CYB5R4: variants seen among roughly 807,000 people sequenced by gnomAD.
The protein encoded by CYB5R4 is N-terminal cytochrome b5 and cytochrome b5 oxidoreductase domain-containing protein.
Under a neutral mutation model 70.2 loss-of-function variants are expected in CYB5R4, and 55 were observed. That is an observed-to-expected ratio of 0.78 (90% CI 0.63 to 0.98). CYB5R4 has a LOEUF of 0.98. Among genes scored for constraint, CYB5R4 ranks in the 50% least tolerant of loss-of-function variants. The probability of loss-of-function intolerance (pLI) is 0.00; values close to 1 mark genes in which losing one functional copy is unlikely to be tolerated. For missense variants in CYB5R4, 562 were observed against 612.6 expected (o/e 0.92, Z 0.87); for synonymous variants, 197 against 199.5 (o/e 0.99, Z 0.11).
chr6:83,886,456 G>GA (rs1198672416), intron 2 of CYB5R4, among the ~76,000 whole-genome samples: 1 of 152,094 alleles, frequency 6.6e-6, no homozygotes, highest in Non-Finnish European at 1.5e-5. Flanking sequence ...TCCCTAAAAA[G>GA]AAAAAATACT....
intron 3 of CYB5R4, among the ~76,000 whole-genome samples, chr6:83,894,088 G>A (rs1448446923): frequency 1.3e-5 from 2 of 152,222 alleles, no homozygotes; most frequent in African/African-American, 4.8e-5. Context: ...TAGAAAGTTA[G>A]CCGATGGTGA....
At chr6:83,863,842 T>C (rs1474011876) in intron 1 of CYB5R4, among the ~76,000 whole-genome samples, 1 of 152,216 alleles carries the variant, frequency 6.6e-6, no homozygotes, top group Non-Finnish European at 1.5e-5. Flanking sequence ...AAAGTATATG[T>C]GAGAATGTTC....
At chr6:83,898,639 T>C (rs1025036111) in intron 3 of CYB5R4, among the ~76,000 whole-genome samples, 1 of 152,216 alleles carries the variant, frequency 6.6e-6, no homozygotes, top group Non-Finnish European at 1.5e-5. Context: ...TTTTATTGCG[T>C]TGAGCAGTGG....
At chr6:83,918,953 C>T (rs1292215133) in intron 6 of CYB5R4, among the ~76,000 whole-genome samples, 1 of 152,094 alleles carries the variant, frequency 6.6e-6, no homozygotes, top group Non-Finnish European at 1.5e-5. Context: ...CTTAGTTTCA[C>T]TTTAAGTTTC....
Position 83,940,547 on chromosome 6 carries a change from A to G in CYB5R4, c.1292A>G (p.Glu431Gly). 1 of 1,597,518 alleles carries G rather than the reference A, an allele frequency of 6.3e-7. No homozygotes were observed. The highest frequency in any genetic ancestry group is 8.5e-7 in the Non-Finnish European group (1 of 1,175,370). Reference protein sequence around the residue: ...KVKLMFFNKTEDDIIWRSQLE... With the variant: ...KVKLMFFNKTGDDIIWRSQLE... Reference sequence around the variant, plus strand: ...AAGCTGATGTTCTTCAATAAAACAGAAGATGATATAATTTGGAGAAGCCAA... The same window carrying G: ...AAGCTGATGTTCTTCAATAAAACAGGAGATGATATAATTTGGAGAAGCCAA... The change falls in exon 14 of 16, where the codon GAA becomes GGA. Residue 431 changes from glutamate to glycine, a missense_variant. Transcript: ENST00000369681.
chr6:83,925,136 T>C (rs1275392126), intron 10 of CYB5R4, among the ~76,000 whole-genome samples: 1 of 152,180 alleles, frequency 6.6e-6, no homozygotes, highest in Non-Finnish European at 1.5e-5. Context: ...TGGCATTTGC[T>C]TGGTTTCTGG....
chr6:83,893,532 T>C lies in CYB5R4; in HGVS notation c.240T>C (p.Tyr80=). Residue 80 remains tyrosine (Y), a synonymous_variant, in exon 3 of 16, where the codon TAT becomes TAC. Coordinates refer to ENST00000369681, the MANE Select transcript of CYB5R4 (RefSeq NM_016230.4). ...DCWICIRGFV[Y]NVSPYMEYHP... ...TTTGCTTTGGTACAGGTTTCGTTTA[T>C]AATGTCAGCCCTTATATGGAGTATC... 6.2e-7 allele frequency: 1 copy of C among 1,605,626 alleles called. No individual in the cohort carries two copies. The highest frequency in any genetic ancestry group is 8.5e-7 in the Non-Finnish European group (1 of 1,174,494).
chr6:83,924,007 T>G (rs1282109406), intron 9 of CYB5R4, among the ~76,000 whole-genome samples: 1 of 146,416 alleles, frequency 6.8e-6, no homozygotes, highest in African/African-American at 2.6e-5. Context: ...GAGGCGGAGC[T>G]TGCAGTGAGC....
At chr6:83,866,544 T>C (rs9353145) in intron 2 of CYB5R4, among the ~76,000 whole-genome samples, 23,352 of 152,020 alleles carry the variant, frequency 0.15, 3,513 homozygotes, top group African/African-American at 0.37. Context: ...CTGCTCCCGG[T>C]TCCATATCCT....
At chr6:83,957,450 A>G (rs905705208) in intron 15 of CYB5R4, among the ~76,000 whole-genome samples, 8 of 151,912 alleles carry the variant, frequency 5.3e-5, no homozygotes, top group African/African-American at 1.9e-4. Context: ...GTGAAACCCC[A>G]TCTCTACTAA....
chr6:83,929,666 A>G (rs1188778109), intron 10 of CYB5R4, among the ~76,000 whole-genome samples: 1 of 152,088 alleles, frequency 6.6e-6, no homozygotes, highest in Non-Finnish European at 1.5e-5. Flanking sequence ...ATAGAGAAAG[A>G]GATGGCTGAG....
At chr6:83,939,425 C>G (rs1280630619) in intron 12 of CYB5R4, among the ~76,000 whole-genome samples, 2 of 152,072 alleles carry the variant, frequency 1.3e-5, no homozygotes, top group Non-Finnish European at 2.9e-5. Flanking sequence ...GTGACATGCT[C>G]CAAGTATAGT....
At chr6:83,947,942 C>G (rs1453907488) in intron 14 of CYB5R4, among the ~76,000 whole-genome samples, 1 of 152,176 alleles carries the variant, frequency 6.6e-6, no homozygotes, top group Admixed American at 6.5e-5. Context: ...TTAGTTCAAC[C>G]CTTGTGGAAG....
chr6:83,890,623 C>T (rs1754015165), intron 2 of CYB5R4, among the ~76,000 whole-genome samples: 1 of 152,176 alleles, frequency 6.6e-6, no homozygotes, highest in Non-Finnish European at 1.5e-5. Flanking sequence ...AGCAGTTCTA[C>T]TGTGAGTAAA....
chr6:83,917,395 C>A (rs1023738045), intron 5 of CYB5R4, among the ~76,000 whole-genome samples: 1 of 149,952 alleles, frequency 6.7e-6, no homozygotes, highest in Non-Finnish European at 1.5e-5. Flanking sequence ...GATATGTGTT[C>A]TTTAAGAATA....
chr6:83,946,316 C>G (rs1465475436), intron 14 of CYB5R4, among the ~76,000 whole-genome samples: 1 of 152,114 alleles, frequency 6.6e-6, no homozygotes, highest in Non-Finnish European at 1.5e-5. Flanking sequence ...GAACTGATGA[C>G]AAAAACCACG....
At chr6:83,919,104 AAAG>A (rs2099465958) in intron 6 of CYB5R4, among the ~76,000 whole-genome samples, 1 of 152,134 alleles carries the variant, frequency 6.6e-6, no homozygotes, top group Non-Finnish European at 1.5e-5. Flanking sequence ...TGCTCTGATA[AAAG>A]AAGATTTTAG....
At chr6:83,875,582 A>G (rs1233026922) in intron 2 of CYB5R4, among the ~76,000 whole-genome samples, 2 of 152,120 alleles carry the variant, frequency 1.3e-5, no homozygotes, top group Non-Finnish European at 2.9e-5. Flanking sequence ...CCACAGTGCA[A>G]AGTAAAAGCA....
chr6:83,909,753 A>G (rs549813402), intron 4 of CYB5R4, among the ~76,000 whole-genome samples: 53 of 152,268 alleles, frequency 3.5e-4, no homozygotes, highest in Non-Finnish European at 6.8e-4. Flanking sequence ...AGTATATGCC[A>G]GTTGTTTTTC....
Sources: gnomAD v4.1 joint callset for allele counts (sites outside exome capture counted in the v4.1 genomes callset) on GRCh38, gnomAD v4.1.1 for gene constraint, MANE v1.5 for transcripts, NCBI Gene and HGNC (gene_info 2026-07-23, HGNC 2026-07-21) for gene names.